The following CCDC32 variants were observed in gnomAD, a reference collection of about 807,000 sequenced individuals.
CCDC32 encodes coiled-coil domain-containing protein 32.
Under a neutral mutation model 20.1 loss-of-function variants are expected in CCDC32, and 9 were observed. The ratio of observed to expected loss-of-function variants is 0.45; its 90% confidence interval spans 0.27 to 0.78. The LOEUF (loss-of-function observed/expected upper bound fraction) is 0.78. Ranked by LOEUF, CCDC32 falls within the 30% of genes least tolerant of loss-of-function variation. The probability of loss-of-function intolerance (pLI) is 0.16; values close to 1 mark genes in which losing one functional copy is unlikely to be tolerated. For missense variants in CCDC32, 204 were observed against 215.5 expected, an observed-to-expected ratio of 0.95 and a Z score of 0.33; for synonymous variants, 63 against 79.0, an observed-to-expected ratio of 0.80 and a Z score of 1.07.
downstream of CCDC32, among the ~76,000 whole-genome samples, chr15:40,527,550 C>T (rs1357906192): frequency 6.6e-6 from 1 of 152,186 alleles, no homozygotes; most frequent in Non-Finnish European, 1.5e-5. Context: ...ACTTAATTCC[C>T]AGTGTGGCAG....
chr15:40,559,073 T>G (rs1199245837), intron 2 of CCDC32, among the ~76,000 whole-genome samples: 1 of 150,614 alleles, frequency 6.6e-6, no homozygotes, highest in Non-Finnish European at 1.5e-5. Flanking sequence ...CAAATTGCTC[T>G]CTCTCTTTCT....
intron 1 of CCDC32, among the ~76,000 whole-genome samples, chr15:40,563,740 A>G (rs955264242): frequency 6.6e-6 from 1 of 152,126 alleles, no homozygotes; most frequent in Non-Finnish European, 1.5e-5. Context: ...TTGGACAACC[A>G]GCCTGCACTT....
At chr15:40,544,187 G>C (rs559366906) in intron 3 of CCDC32, among the ~76,000 whole-genome samples, 22 of 152,066 alleles carry the variant, frequency 1.4e-4, no homozygotes, top group African/African-American at 4.6e-4. Flanking sequence ...TGTGACCCAG[G>C]CCAAGCCAAT....
At chr15:40,551,628 G>A (rs2141626310), downstream of CCDC32, among the ~76,000 whole-genome samples, 1 of 151,714 alleles carries the variant, frequency 6.6e-6, no homozygotes, top group East Asian at 1.9e-4. Flanking sequence ...AGACAACATG[G>A]CGAAATCCCA....
Position 40,553,762 on chromosome 15 carries a change from T to A in CCDC32, c.*209A>T. ...TCACTTCATCCGAGACAGTCACACA[T>A]GCCAGCCCCAGGTAAGTCCCTGGGG... On this transcript the variant is annotated 3_prime_UTR_variant, in exon 4 of 4. Coordinates refer to ENST00000416810, the MANE Select transcript of CCDC32 (RefSeq NM_001080792.4). 1 of 1,370,742 alleles carries A rather than the reference T, an allele frequency of 7.3e-7. No homozygotes were observed. Among genetic ancestry groups the A allele is most frequent in the South Asian group, 1.8e-5 (1 of 56,304 alleles). The allele number at this position is 1,370,742 out of a possible 1,614,324, so 84.9% of individuals were successfully genotyped here. A position where few individuals can be genotyped will look rare whatever the true frequency, so the allele number is the denominator to read the frequency against.
At chr15:40,560,414 A>C (rs879382375) in intron 2 of CCDC32, among the ~76,000 whole-genome samples, 3 of 152,262 alleles carry the variant, frequency 2.0e-5, no homozygotes, top group Non-Finnish European at 2.9e-5. Flanking sequence ...AAAAGAAATA[A>C]TCAGAGTAAA....
downstream of CCDC32, among the ~76,000 whole-genome samples, chr15:40,533,639 G>A (rs1414027439): frequency 6.6e-6 from 1 of 152,040 alleles, no homozygotes; most frequent in Admixed American, 6.5e-5. Flanking sequence ...CACCATGCCT[G>A]GCCATTGTCC....
downstream of CCDC32, chr15:40,534,809 C>T: frequency 1.5e-6 from 1 of 685,234 alleles, no homozygotes; most frequent in Non-Finnish European, 2.7e-6. Context: ...CTCCATATAC[C>T]ATCACATCAG....
At chr15:40,558,519 C>T (rs892265470) in intron 2 of CCDC32, among the ~76,000 whole-genome samples, 1 of 152,012 alleles carries the variant, frequency 6.6e-6, no homozygotes, top group Non-Finnish European at 1.5e-5. Flanking sequence ...ATTGTCTGGC[C>T]TCAGTTGTCA....
downstream of CCDC32, chr15:40,532,183 C>T: frequency 1.6e-6 from 1 of 635,240 alleles, no homozygotes; most frequent in East Asian, 2.8e-5. Context: ...TTATTATACA[C>T]AGGATCTGGT....
At chr15:40,526,304 A>G (rs1595881192), downstream of CCDC32, among the ~76,000 whole-genome samples, 4 of 152,244 alleles carry the variant, frequency 2.6e-5, no homozygotes, top group Admixed American at 2.6e-4. Context: ...ATAAATATTT[A>G]TTGATTAGCT....
At chr15:40,534,750 T>C (rs1207132506), downstream of CCDC32, 6 of 619,556 alleles carry the variant, frequency 9.7e-6, no homozygotes, top group African/African-American at 1.8e-5. Context: ...ACTAATCCCA[T>C]TGATAAAGGG....
At chr15:40,555,687 G>T (rs1890186618) in intron 3 of CCDC32, among the ~76,000 whole-genome samples, 1 of 152,174 alleles carries the variant, frequency 6.6e-6, no homozygotes, top group Non-Finnish European at 1.5e-5. Flanking sequence ...TTGAGATAAT[G>T]TAAGTGAAAG....
the CCDC32 span, among the ~76,000 whole-genome samples, chr15:40,522,214 A>AT: frequency 2.3e-4 from 35 of 152,042 alleles, no homozygotes; most frequent in African/African-American, 8.5e-4. Flanking sequence ...TAAAAATACT[A>AT]TTTTTTTCTC....
At chr15:40,555,040 A>G (rs1427722257) in intron 3 of CCDC32, among the ~76,000 whole-genome samples, 12 of 152,230 alleles carry the variant, frequency 7.9e-5, no homozygotes, top group Non-Finnish European at 1.3e-4. Context: ...TGGCCCTCAC[A>G]TACGTGAAGA....
downstream of CCDC32, among the ~76,000 whole-genome samples, chr15:40,530,781 C>T (rs1456256678): frequency 1.3e-5 from 2 of 149,418 alleles, 1 homozygote; most frequent in African/African-American, 4.9e-5. Context: ...TGCAGTGGCA[C>T]AATCTTGGAA....
At chr15:40,524,389 C>T (rs1383895579), downstream of CCDC32, among the ~76,000 whole-genome samples, 1 of 151,832 alleles carries the variant, frequency 6.6e-6, no homozygotes, top group East Asian at 1.9e-4. Flanking sequence ...ATCTCCTGAC[C>T]TCGTGATCCG....
chr15:40,529,519 T>C (rs1888813722), intron 3 of CCDC32: 1 of 152,248 alleles, frequency 6.6e-6, no homozygotes, highest in Non-Finnish European at 1.5e-5. Flanking sequence ...GGAAATTCCT[T>C]GTACATTCAA....
intron 1 of CCDC32, chr15:40,564,724 C>A (rs1464999059): frequency 6.2e-7 from 1 of 1,614,104 alleles, no homozygotes; most frequent in Non-Finnish European, 8.5e-7. Flanking sequence ...AACCCCCAAC[C>A]CGAATTCGTC....
Sources: allele counts gnomAD v4.1 joint callset (sites outside exome capture counted in the v4.1 genomes callset), GRCh38; gene constraint gnomAD v4.1.1; transcripts MANE v1.5; gene names NCBI Gene and HGNC (gene_info 2026-07-23, HGNC 2026-07-21).